Variants in LRRC4C observed in about 807,000 individuals in gnomAD.
LRRC4C encodes the protein leucine rich repeat containing 4C.
A neutral mutation model predicts 33.6 loss-of-function variants in LRRC4C; 5 were observed. The observed-to-expected ratio is 0.15, with a 90% CI of 0.08 to 0.31. LRRC4C has a LOEUF of 0.31. Among genes scored for constraint, LRRC4C ranks in the 10% least tolerant of loss-of-function variants. The pLI is 1.00. For synonymous variants in LRRC4C, 329 were observed against 302.0 expected, an observed-to-expected ratio of 1.09 and a Z score of -0.93; for missense variants, 560 against 796.7, an observed-to-expected ratio of 0.70 and a Z score of 3.58.
intron 1 of LRRC4C, among the ~76,000 whole-genome samples, chr11:41,237,055 C>A (rs1948055846): frequency 6.6e-6 from 1 of 152,134 alleles, no homozygotes; most frequent in Admixed American, 6.6e-5. Context: ...ATAAAGAGGA[C>A]CACCTATGTA....
chr11:41,118,301 T>C (rs1942245122), intron 1 of LRRC4C, among the ~76,000 whole-genome samples: 3 of 152,138 alleles, frequency 2.0e-5, no homozygotes, highest in Admixed American at 1.3e-4. Context: ...ACAATTTATT[T>C]TGACAGCTTT....
At chr11:40,809,124 C>A (rs971064808) in intron 2 of LRRC4C, among the ~76,000 whole-genome samples, 1 of 152,252 alleles carries the variant, frequency 6.6e-6, no homozygotes, top group African/African-American at 2.4e-5. Context: ...CTTCCAACAA[C>A]CATCTCAATT....
At chr11:40,952,973 A>G (rs1372078251) in intron 1 of LRRC4C, among the ~76,000 whole-genome samples, 1 of 149,696 alleles carries the variant, frequency 6.7e-6, no homozygotes, top group Non-Finnish European at 1.5e-5. Flanking sequence ...TGGCCCCTGT[A>G]TGGTTGTAAA....
intron 2 of LRRC4C, among the ~76,000 whole-genome samples, chr11:40,868,306 A>T (rs1362320758): frequency 2.0e-5 from 3 of 152,152 alleles, no homozygotes; most frequent in Admixed American, 2.0e-4. Context: ...TTAAGCTTCA[A>T]CTACTGAAGA....
chr11:40,666,470 A>T (rs1943818286), intron 2 of LRRC4C, among the ~76,000 whole-genome samples: 1 of 152,240 alleles, frequency 6.6e-6, no homozygotes, highest in East Asian at 1.9e-4. Flanking sequence ...GGGATATGTT[A>T]ATAAAATGAA....
chr11:41,405,375 C>CA (rs1246976265), intron 1 of LRRC4C, among the ~76,000 whole-genome samples: 1 of 152,024 alleles, frequency 6.6e-6, no homozygotes, highest in Non-Finnish European at 1.5e-5. Context: ...TTCCCTGTGT[C>CA]ATAGCAGGAA....
chr11:40,683,526 A>C (rs1266702774), intron 2 of LRRC4C, among the ~76,000 whole-genome samples: 1 of 141,256 alleles, frequency 7.1e-6, no homozygotes, highest in Non-Finnish European at 1.5e-5. Context: ...TTTTAAAATT[A>C]ATAACTGATA....
intron 2 of LRRC4C, among the ~76,000 whole-genome samples, chr11:40,918,744 A>G (rs1957060033): frequency 6.6e-6 from 1 of 152,144 alleles, no homozygotes; most frequent in Non-Finnish European, 1.5e-5. Flanking sequence ...ACATAGTTGC[A>G]GAGGTAGCTG....
At chr11:41,217,914 T>A (rs1426457913) in intron 1 of LRRC4C, among the ~76,000 whole-genome samples, 1 of 152,074 alleles carries the variant, frequency 6.6e-6, no homozygotes, top group African/African-American at 2.4e-5. Context: ...TGTAGAAAAA[T>A]ATCTATAGGA....
At chr11:40,342,921 T>G (rs2137023124) in intron 3 of LRRC4C, among the ~76,000 whole-genome samples, 1 of 152,316 alleles carries the variant, frequency 6.6e-6, no homozygotes, top group East Asian at 1.9e-4. Flanking sequence ...TAGTCATCTC[T>G]CCATCTATTT....
At position 40,578,549 on chromosome 11, in the gene LRRC4C, C is replaced by G. The variant is rs563964598; in HGVS notation, c.-270+69593G>C. Among the ~76,000 whole-genome samples, 16 of 152,166 alleles carry G rather than the reference C, an allele frequency of 1.1e-4. 1 individual carries two copies. The East Asian group carries it at 2.7e-3, about 26-fold the overall frequency. On this transcript the variant is annotated intron_variant, in intron 3 of 6. Coordinates refer to ENST00000528697, the MANE Select transcript of LRRC4C (RefSeq NM_001258419.2). ...CCTACACATATACCTGTCTCTTTCTCTCTCTCTCTCATACACACATAACAC... is the reference window on the plus strand; with the variant it reads ...CCTACACATATACCTGTCTCTTTCTGTCTCTCTCTCATACACACATAACAC...
At chr11:41,287,735 C>A (rs1451989423) in intron 1 of LRRC4C, among the ~76,000 whole-genome samples, 3 of 152,140 alleles carry the variant, frequency 2.0e-5, no homozygotes, top group African/African-American at 7.2e-5. Flanking sequence ...CATTACTTTC[C>A]TGTTAAACCT....
At chr11:40,427,603 G>A (rs1429979047) in intron 3 of LRRC4C, among the ~76,000 whole-genome samples, 1 of 152,238 alleles carries the variant, frequency 6.6e-6, no homozygotes, top group African/African-American at 2.4e-5. Flanking sequence ...CAAGGCGGGT[G>A]AATTGCTTAA....
At chr11:40,359,097 C>T (rs1159686863) in intron 3 of LRRC4C, among the ~76,000 whole-genome samples, 1 of 152,122 alleles carries the variant, frequency 6.6e-6, no homozygotes, top group African/African-American at 2.4e-5. Context: ...TGGTGTTTCT[C>T]CCTTATGTAA....
chr11:40,258,512 T>A (rs1867409569), intron 4 of LRRC4C, among the ~76,000 whole-genome samples: 1 of 152,186 alleles, frequency 6.6e-6, no homozygotes, highest in Non-Finnish European at 1.5e-5. Context: ...AATTCCTACA[T>A]TCTTGTTGTA....
At chr11:40,794,554 A>G (rs1950751435) in intron 2 of LRRC4C, among the ~76,000 whole-genome samples, 1 of 152,108 alleles carries the variant, frequency 6.6e-6, no homozygotes. Flanking sequence ...CCTTGGATAC[A>G]ATGGAGGGTA....
chr11:40,250,390 A>G (rs1343948681), intron 4 of LRRC4C, among the ~76,000 whole-genome samples: 1 of 152,084 alleles, frequency 6.6e-6, no homozygotes, highest in African/African-American at 2.4e-5. Flanking sequence ...ATTCCTTGGA[A>G]TCTGTGCTTA....
intron 3 of LRRC4C, among the ~76,000 whole-genome samples, chr11:40,508,234 C>A (rs1379843248): frequency 6.6e-6 from 1 of 151,906 alleles, no homozygotes; most frequent in East Asian, 1.9e-4. Context: ...TGGCTTTTTC[C>A]AGAAATGGAA....
At chr11:40,308,556 G>A (rs186714799) in intron 4 of LRRC4C, among the ~76,000 whole-genome samples, 3 of 152,076 alleles carry the variant, frequency 2.0e-5, no homozygotes, top group African/African-American at 4.8e-5. Context: ...TAATTATAAG[G>A]GTCCTTATAA....
Sources: allele counts gnomAD v4.1 joint callset (sites outside exome capture counted in the v4.1 genomes callset), GRCh38; gene constraint gnomAD v4.1.1; transcripts MANE v1.5; gene names NCBI Gene and HGNC (gene_info 2026-07-23, HGNC 2026-07-21).